Variants in FAM171B observed in about 807,000 individuals in gnomAD.
FAM171B encodes the protein family with sequence similarity 171 member B, also known as protein FAM171B.
Under a neutral mutation model 75.6 loss-of-function variants are expected in FAM171B, and 19 were observed. The ratio of observed to expected loss-of-function variants is 0.25; its 90% CI spans 0.18 to 0.37. The LOEUF is 0.37. Ranked by LOEUF, FAM171B falls within the 10% of genes least tolerant of loss-of-function variation. The probability of loss-of-function intolerance (pLI) is 1.00; values close to 1 mark genes in which losing one functional copy is unlikely to be tolerated. For missense variants in FAM171B, 848 were observed against 982.4 expected (o/e 0.86, Z 1.83); for synonymous variants, 367 against 361.7 (o/e 1.01, Z -0.17).
chr2:186,733,021 C>G (rs1022796265), intron 1 of FAM171B, among the ~76,000 whole-genome samples: 8 of 152,098 alleles, frequency 5.3e-5, no homozygotes, highest in Non-Finnish European at 1.2e-4. Context: ...TGAACATTGC[C>G]TGATGTTTGC....
At chr2:186,722,661 G>A (rs974554085) in intron 1 of FAM171B, among the ~76,000 whole-genome samples, 10 of 152,260 alleles carry the variant, frequency 6.6e-5, no homozygotes, top group African/African-American at 2.2e-4. Context: ...TGGGTTGTCC[G>A]GTGGCATAGG....
chr2:186,732,020 G>A (rs577470033), intron 1 of FAM171B, among the ~76,000 whole-genome samples: 1 of 152,210 alleles, frequency 6.6e-6, no homozygotes, highest in South Asian at 2.1e-4. Context: ...ATATTACAAT[G>A]TAATAATAAT....
In FAM171B at chr2:186,765,170, C is replaced by CTAT. The variant is rs771644525; in HGVS notation, c.*2347_*2348insTAT. 1 of 152,038 alleles carries CTAT rather than the reference C, an allele frequency of 6.6e-6. No homozygotes were observed. Among genetic ancestry groups the CTAT allele is most frequent in the South Asian group, 2.1e-4 (1 of 4,816 alleles). The allele number at this position is 152,038 out of a possible 1,614,324, so 9.4% of individuals were successfully genotyped here. A position where few individuals can be genotyped will look rare whatever the true frequency, so the allele number is the denominator to read the frequency against. ...CAAATTTCCTGTTAAAAAGCTGAAACCATCTACTTTTTCTTAACCCAAGTG... is the reference window on the plus strand; with the variant it reads ...CAAATTTCCTGTTAAAAAGCTGAAACTATCATCTACTTTTTCTTAACCCAAGTG... On this transcript the variant is annotated 3_prime_UTR_variant, in exon 8 of 8. Transcript: ENST00000304698.
rs1011304630 is a variant in FAM171B at position 186,763,017 on chromosome 2, T to G, written c.*194T>G. ...TGCTTTTTCTGGCCTATTCATTTAT[T>G]TTTGGGTGATGAATTTACAGTATCT... is the stretch of plus-strand genomic sequence containing the variant. On this transcript the variant is annotated 3_prime_UTR_variant, in exon 8 of 8. Transcript: ENST00000304698. The G allele has an allele frequency of 3.7e-5, 23 of 621,660 alleles. No individual in the cohort carries two copies. The highest frequency in any genetic ancestry group is 5.8e-5 in the Non-Finnish European group (22 of 378,910). The allele number at this position is 621,660 out of a possible 1,614,324, so 38.5% of individuals were successfully genotyped here.
chr2:186,694,302 ACAGCAGCAG>A lies in FAM171B; in HGVS notation c.141_149del (p.Gln54_Gln56del), dbSNP rs144403657. ...GCCGCTCCGACCTCAGCCTCATCCA[ACAGCAGCAG>A]CAGCAGCAGCAACAACAACAACAAC... On this transcript the variant is annotated inframe_deletion, in exon 1 of 8. Coordinates refer to ENST00000304698, the MANE Select transcript of FAM171B (RefSeq NM_177454.4). The A allele has an allele frequency of 8.3e-6, 13 of 1,566,244 alleles. No individual in the cohort carries two copies. The highest frequency in any genetic ancestry group is 1.0e-5 in the Non-Finnish European group (12 of 1,152,604).
chr2:186,739,399 C>T (rs1690253420), intron 1 of FAM171B, among the ~76,000 whole-genome samples: 2 of 152,106 alleles, frequency 1.3e-5, no homozygotes, highest in Admixed American at 6.5e-5. Context: ...TTTGTAATAA[C>T]ACTTAGCTTA....
rs1361210811 is a variant in FAM171B at position 186,764,055 on chromosome 2, A to T, written c.*1232A>T. ...AGCATTCAATGTGAACAACTTTTTAATTAACTCTGAATTACCATTCATACA... is the reference window on the plus strand; with the variant it reads ...AGCATTCAATGTGAACAACTTTTTATTTAACTCTGAATTACCATTCATACA... On this transcript the variant is annotated 3_prime_UTR_variant, in exon 8 of 8. Coordinates refer to ENST00000304698, the MANE Select transcript of FAM171B (RefSeq NM_177454.4). 1.3e-5 allele frequency: 2 copies of T among 152,068 alleles called. No homozygotes were observed. Among genetic ancestry groups the T allele is most frequent in the Non-Finnish European group, 2.9e-5 (2 of 67,970 alleles). The allele number at this position is 152,068 out of a possible 1,614,324, so 9.4% of individuals were successfully genotyped here.
chr2:186,730,248 C>T (rs2105782118), intron 1 of FAM171B, among the ~76,000 whole-genome samples: 1 of 152,278 alleles, frequency 6.6e-6, no homozygotes, highest in South Asian at 2.1e-4. Flanking sequence ...CGTGAGCCAC[C>T]ACACCTGGCC....
Position 186,762,740 on chromosome 2 carries a change from G to A in FAM171B, c.2398G>A (p.Gly800Ser), listed in dbSNP as rs1690638896. 1.2e-6 allele frequency: 2 copies of A among 1,613,152 alleles called. No individual in the cohort carries two copies. Among genetic ancestry groups the A allele is most frequent in the Non-Finnish European group, 1.7e-6 (2 of 1,179,570 alleles). Residue 800 changes from glycine (G) to serine (S), a missense_variant, in exon 8 of 8, where the codon GGC becomes AGC. Transcript: ENST00000304698. The surrounding 1 kb of genome is among the most constrained non-coding windows in gnomAD (Gnocchi z 4.0). ...TAATACATCCCCCACTAAAAGAAGGGGCAGACCACCACTAGCCAAAAGAGA... is the reference window on the plus strand; with the variant it reads ...TAATACATCCCCCACTAAAAGAAGGAGCAGACCACCACTAGCCAAAAGAGA... The part of the protein sequence containing the change: ...EANTSPTKRR[G>S]RPPLAKRDSK...
chr2:186,741,395 A>G (rs980325820), intron 2 of FAM171B, among the ~76,000 whole-genome samples: 1 of 152,162 alleles, frequency 6.6e-6, no homozygotes, highest in African/African-American at 2.4e-5. Context: ...TATGTCATAA[A>G]CATAAAAAGC....
intron 1 of FAM171B, among the ~76,000 whole-genome samples, chr2:186,721,516 TCTTA>T (rs1237476053): frequency 6.6e-6 from 1 of 152,184 alleles, no homozygotes; most frequent in Non-Finnish European, 1.5e-5. Context: ...TCTAGAATGT[TCTTA>T]CTAAGACAAT....
chr2:186,695,473 C>T (rs946868894), intron 1 of FAM171B, among the ~76,000 whole-genome samples: 2 of 152,168 alleles, frequency 1.3e-5, no homozygotes, highest in Non-Finnish European at 2.9e-5. Context: ...TTTTAAAATC[C>T]TGCCTGGTAA....
In FAM171B at chr2:186,762,137, G is replaced by A; in HGVS notation, c.1795G>A (p.Asp599Asn). Residue 599 changes from aspartate (D) to asparagine (N), a missense_variant, in exon 8 of 8, where the codon GAT (aspartate) becomes AAT (asparagine). This residue lies in a region of FAM171B where 665 missense variants were observed against 729.0 expected (regional missense o/e 0.91). Transcript: ENST00000304698. The surrounding 1 kb of genome is among the most constrained non-coding windows in gnomAD (Gnocchi z 4.0). ...MPIHSHAQPP[D>N]AREEDIILEG... ...AATTCATTCTCATGCACAGCCCCCA[G>A]ATGCCAGGGAAGAGGATATCATACT... The A allele has an allele frequency of 1.9e-6, 3 of 1,613,658 alleles. No individual in the cohort carries two copies. Among genetic ancestry groups the A allele is most frequent in the Non-Finnish European group, 2.5e-6 (3 of 1,179,788 alleles).
chr2:186,712,130 G>A (rs746544145), intron 1 of FAM171B, among the ~76,000 whole-genome samples: 2 of 152,104 alleles, frequency 1.3e-5, no homozygotes, highest in East Asian at 1.9e-4. Flanking sequence ...GGAAGTATCC[G>A]AGGAATTAAG....
intron 3 of FAM171B, among the ~76,000 whole-genome samples, chr2:186,745,022 G>T (rs932155475): frequency 1.3e-5 from 2 of 151,836 alleles, no homozygotes; most frequent in Non-Finnish European, 2.9e-5. Flanking sequence ...TAGAGATGGG[G>T]TTTCACCATG....
rs116143320 is a variant in FAM171B at position 186,707,612 on chromosome 2, A to G, written c.238+13201A>G. Among the ~76,000 whole-genome samples the G allele has an allele frequency of 2.9e-3, 445 of 152,258 alleles. 2 individuals carry two copies. Among genetic ancestry groups the G allele is most frequent in the South Asian group, 6.2e-3 (30 of 4,820 alleles). ...CGTAATGTGACCTGTAAGGCTTTGC[A>G]TGATTCATTACTGCAGTCTCAACTC... On this transcript the variant is annotated intron_variant, in intron 1 of 7. Coordinates refer to ENST00000304698, the MANE Select transcript of FAM171B (RefSeq NM_177454.4).
rs182865014 is a variant in FAM171B at position 186,703,225 on chromosome 2, G to A, written c.238+8814G>A. On this transcript the variant is annotated intron_variant, in intron 1 of 7. Coordinates refer to ENST00000304698, the MANE Select transcript of FAM171B (RefSeq NM_177454.4). ...CTCCCAAGTAGCTGGGATTACAGGC[G>A]TGAGCCACTGTGCCTGGACAAATTA... 4.2e-3 allele frequency among the ~76,000 whole-genome samples: 646 copies of A among 152,098 alleles called. 5 individuals carry two copies. The highest frequency in any genetic ancestry group is 0.017 in the Middle Eastern group (5 of 294).
rs35704183 is a variant in FAM171B at position 186,736,567 on chromosome 2, G to GGAGA, written c.239-3642_239-3639dup. On this transcript the variant is annotated intron_variant, in intron 1 of 7. Coordinates refer to ENST00000304698, the MANE Select transcript of FAM171B (RefSeq NM_177454.4). ...GTGTGTGTGTGTGTGTGTGTGTGTGGGAGAGAGAGAGAGAGAGAGAGAATG... is the reference window on the plus strand; with the variant it reads ...GTGTGTGTGTGTGTGTGTGTGTGTGGGAGAGAGAGAGAGAGAGAGAGAGAGAATG... Among the ~76,000 whole-genome samples, 36 of 104,622 alleles carry GGAGA rather than the reference G, an allele frequency of 3.4e-4. 1 individual carries two copies. The East Asian group carries it at 4.8e-3, about 14-fold the overall frequency. The allele number at this position is 104,622 out of a possible 152,430, so 68.6% of individuals were successfully genotyped here.
At chr2:186,726,273 A>G (rs372569550) in intron 1 of FAM171B, among the ~76,000 whole-genome samples, 1 of 152,140 alleles carries the variant, frequency 6.6e-6, no homozygotes. Flanking sequence ...AAACACGCAC[A>G]TATTTTTTTC....
Sources: allele counts gnomAD v4.1 joint callset (sites outside exome capture counted in the v4.1 genomes callset), GRCh38; gene constraint gnomAD v4.1.1; regional missense constraint gnomAD v4.1.1; non-coding constraint Gnocchi (gnomAD v3.1); transcripts MANE v1.5; gene names NCBI Gene and HGNC (gene_info 2026-07-23, HGNC 2026-07-21).